The following JMJD1C variants were observed in gnomAD, a reference collection of about 807,000 sequenced individuals.
JMJD1C encodes the protein jumonji domain containing 1C, also known as jumonji domain-containing protein 1C.
JMJD1C carries 31 observed loss-of-function variants against 245.3 expected under a neutral mutation model. That is an observed-to-expected ratio of 0.13 (90% CI 0.09 to 0.17). The LOEUF (loss-of-function observed/expected upper bound fraction) is 0.17. Among genes scored for constraint, JMJD1C ranks in the 10% least tolerant of loss-of-function variants. The pLI is 1.00. For synonymous variants in JMJD1C, 1,057 were observed against 1,017.4 expected (o/e 1.04, Z -0.74); for missense variants, 2,691 against 3,000.2 (o/e 0.90, Z 2.41).
At chr10:63,231,176 T>G (rs1422070116) in intron 3 of JMJD1C, among the ~76,000 whole-genome samples, 6 of 152,332 alleles carry the variant, frequency 3.9e-5, no homozygotes, top group Non-Finnish European at 8.8e-5. Flanking sequence ...AGCAAGATCT[T>G]AATGCACACA....
chr10:63,396,986 G>A (rs1275501637), intron 1 of JMJD1C, among the ~76,000 whole-genome samples: 1 of 146,792 alleles, frequency 6.8e-6, no homozygotes, highest in Admixed American at 6.9e-5. Context: ...CTGGAGTTAA[G>A]TGTCACAATC....
chr10:63,219,334 T>C (rs571232148), intron 4 of JMJD1C, among the ~76,000 whole-genome samples: 5 of 152,270 alleles, frequency 3.3e-5, no homozygotes, highest in Admixed American at 6.5e-5. Flanking sequence ...TCACTTTCCA[T>C]TCAATTTCCA....
chr10:63,186,519 A>C, intron 18 of JMJD1C, 136 bp from the exon 19 acceptor site: 1 of 593,456 alleles, frequency 1.7e-6, no homozygotes, highest in South Asian at 2.6e-5. Context: ...CCTGACTGTC[A>C]CCCTTTGGGC....
chr10:63,494,130 G>A (rs12765505), intron 1 of JMJD1C, among the ~76,000 whole-genome samples: 6,440 of 152,206 alleles, frequency 0.042, 192 homozygotes, highest in Non-Finnish European at 0.067. Context: ...GACCAACACG[G>A]AGAAACCCCA....
At chr10:63,360,420 T>C (rs1945225336) in intron 2 of JMJD1C, among the ~76,000 whole-genome samples, 1 of 152,250 alleles carries the variant, frequency 6.6e-6, no homozygotes, top group South Asian at 2.1e-4. Flanking sequence ...GCAGGTATTA[T>C]ATACCTAATC....
At chr10:63,254,988 G>C (rs753575240) in intron 3 of JMJD1C, among the ~76,000 whole-genome samples, 5 of 151,980 alleles carry the variant, frequency 3.3e-5, no homozygotes, top group Non-Finnish European at 7.4e-5. Flanking sequence ...CCAGTAGCTG[G>C]GACTATACAC....
At chr10:63,431,934 C>A (rs1197940056) in intron 1 of JMJD1C, among the ~76,000 whole-genome samples, 1 of 152,196 alleles carries the variant, frequency 6.6e-6, no homozygotes, top group African/African-American at 2.4e-5. Flanking sequence ...ATCGCTTGAA[C>A]CCAGGGGACA....
intron 3 of JMJD1C, among the ~76,000 whole-genome samples, chr10:63,243,102 A>ATTATATATATATATATAT (rs1554852365): frequency 2.3e-4 from 15 of 64,636 alleles, no homozygotes; most frequent in African/African-American, 6.6e-4. Context: ...ACTAACATAA[A>ATTATATATATATATATAT]TTATATATAT....
At chr10:63,395,451 C>A (rs10740122) in intron 1 of JMJD1C, among the ~76,000 whole-genome samples, 99,978 of 152,014 alleles carry the variant, frequency 0.66, 35,819 homozygotes, top group Non-Finnish European at 0.81. Flanking sequence ...GAACTCCAGC[C>A]TGTGCAACAG....
At chr10:63,392,837 A>G (rs1203557698) in intron 1 of JMJD1C, among the ~76,000 whole-genome samples, 10 of 147,666 alleles carry the variant, frequency 6.8e-5, no homozygotes, top group Non-Finnish European at 1.0e-4. Flanking sequence ...AAAAAAAAAA[A>G]AAAAAAAAAG....
chr10:63,475,653 A>G (rs1953637181), intron 1 of JMJD1C, among the ~76,000 whole-genome samples: 1 of 152,216 alleles, frequency 6.6e-6, no homozygotes, highest in African/African-American at 2.4e-5. Context: ...GGTCTAGAAC[A>G]AAAGAGAAAG....
chr10:63,378,058 CCA>C (rs1946907409), intron 2 of JMJD1C, among the ~76,000 whole-genome samples: 1 of 150,906 alleles, frequency 6.6e-6, no homozygotes, highest in South Asian at 2.1e-4. Flanking sequence ...TACTTTCATA[CCA>C]CAGTGTTTTC....
chr10:63,303,588 G>A (rs1860351528), intron 2 of JMJD1C, among the ~76,000 whole-genome samples: 1 of 152,130 alleles, frequency 6.6e-6, no homozygotes, highest in Admixed American at 6.6e-5. Context: ...TTACAGGCGT[G>A]ATCCACCATA....
intron 1 of JMJD1C, among the ~76,000 whole-genome samples, chr10:63,474,034 ACT>A (rs1168414255): frequency 6.6e-6 from 1 of 151,760 alleles, no homozygotes; most frequent in Non-Finnish European, 1.5e-5. Flanking sequence ...CAAGAGTGAA[ACT>A]CTGTCTCAAA....
At chr10:63,336,467 T>TAATA (rs1361014730) in intron 2 of JMJD1C, among the ~76,000 whole-genome samples, 1 of 151,894 alleles carries the variant, frequency 6.6e-6, no homozygotes, top group African/African-American at 2.4e-5. Context: ...CAAAAAATAA[T>TAATA]AATAAATAAA....
chr10:63,279,838 A>G (rs1352176326), intron 2 of JMJD1C, among the ~76,000 whole-genome samples: 1 of 152,106 alleles, frequency 6.6e-6, no homozygotes, highest in Non-Finnish European at 1.5e-5. Context: ...TACATTTTTA[A>G]ATGGGAGTGG....
chr10:63,219,509 A>G (rs1190689584), intron 4 of JMJD1C, among the ~76,000 whole-genome samples: 1 of 152,198 alleles, frequency 6.6e-6, no homozygotes, highest in Non-Finnish European at 1.5e-5. Flanking sequence ...CACTTTTACC[A>G]GATACGAAGA....
intron 2 of JMJD1C, among the ~76,000 whole-genome samples, chr10:63,309,000 G>A (rs1248332376): frequency 2.6e-5 from 4 of 152,068 alleles, no homozygotes; most frequent in African/African-American, 9.7e-5. Context: ...AGAATGGCAG[G>A]CTTGGATACT....
intron 2 of JMJD1C, among the ~76,000 whole-genome samples, chr10:63,294,390 ATTCTCCTGCCTCG>A (rs1859132684): frequency 6.6e-6 from 1 of 151,662 alleles, no homozygotes; most frequent in South Asian, 2.1e-4. Flanking sequence ...GTTCAAGCAA[ATTCTCCTGCCTCG>A]GCCTCCTGAG....
Sources: allele counts gnomAD v4.1 joint callset (sites outside exome capture counted in the v4.1 genomes callset), GRCh38; gene constraint gnomAD v4.1.1; transcripts MANE v1.5; gene names NCBI Gene and HGNC (gene_info 2026-07-23, HGNC 2026-07-21).